Variants in NRXN1 observed in about 807,000 individuals in gnomAD.
The protein encoded by NRXN1 is neurexin-1.
NRXN1 carries 39 observed loss-of-function variants against 150.9 expected under a neutral mutation model. That is an observed-to-expected ratio of 0.26 (90% CI 0.20 to 0.34). NRXN1 has a LOEUF of 0.34. Ranked by LOEUF, NRXN1 falls within the 10% of genes least tolerant of loss-of-function variation. The pLI is 1.00. For synonymous variants in NRXN1, 924 were observed against 757.0 expected, an observed-to-expected ratio of 1.22 and a Z score of -3.62; for missense variants, 1,815 against 1,949.9, an observed-to-expected ratio of 0.93 and a Z score of 1.30.
intron 5 of NRXN1, among the ~76,000 whole-genome samples, chr2:50,674,359 C>T (rs990347479): frequency 1.1e-4 from 17 of 152,048 alleles, no homozygotes; most frequent in East Asian, 1.9e-4. Context: ...AAGTGGAGCA[C>T]GGACAGTAGA....
chr2:50,947,046 G>T (rs556325290), intron 2 of NRXN1, among the ~76,000 whole-genome samples: 17 of 152,198 alleles, frequency 1.1e-4, no homozygotes, highest in African/African-American at 3.6e-4. Flanking sequence ...ACTGGGCAGG[G>T]AATAGCTAAG....
chr2:50,353,037 G>A (rs776132128), intron 17 of NRXN1, among the ~76,000 whole-genome samples: 17 of 152,042 alleles, frequency 1.1e-4, no homozygotes, highest in South Asian at 2.1e-4. Context: ...GGGAGTGCTG[G>A]GGATCAAGAT....
intron 5 of NRXN1, among the ~76,000 whole-genome samples, chr2:50,671,678 C>T (rs9309185): frequency 0.83 from 126,299 of 151,688 alleles, 53,209 homozygotes; most frequent in African/African-American, 0.95. Flanking sequence ...AATGTAATGA[C>T]ACATTTTAAG....
chr2:50,308,519 AT>A (rs1177243435), intron 17 of NRXN1, among the ~76,000 whole-genome samples: 1 of 150,400 alleles, frequency 6.6e-6, no homozygotes, highest in Non-Finnish European at 1.5e-5. Flanking sequence ...TTAATTTTTT[AT>A]TTTTTTCCAG....
At chr2:50,983,529 C>T (rs1301535666) in intron 2 of NRXN1, among the ~76,000 whole-genome samples, 1 of 152,022 alleles carries the variant, frequency 6.6e-6, no homozygotes, top group African/African-American at 2.4e-5. Flanking sequence ...TCTTCCTATA[C>T]TAGGGATCTC....
intron 5 of NRXN1, among the ~76,000 whole-genome samples, chr2:50,780,105 TC>T (rs1406966480): frequency 2.0e-5 from 3 of 152,254 alleles, no homozygotes; most frequent in African/African-American, 2.4e-5. Context: ...GATTTGTATT[TC>T]TCTAATGACC....
At chr2:50,169,112 A>C (rs896651381) in intron 18 of NRXN1, among the ~76,000 whole-genome samples, 8 of 152,324 alleles carry the variant, frequency 5.3e-5, no homozygotes, top group African/African-American at 1.9e-4. Flanking sequence ...ACAATAGCTC[A>C]TTTAATTAAC....
At chr2:50,803,872 G>A (rs1365806533) in intron 5 of NRXN1, among the ~76,000 whole-genome samples, 1 of 152,208 alleles carries the variant, frequency 6.6e-6, no homozygotes, top group Admixed American at 6.5e-5. Context: ...GATAACCCCA[G>A]GCTTTGATAG....
At chr2:50,389,714 T>C (rs2081563037) in intron 17 of NRXN1, among the ~76,000 whole-genome samples, 1 of 152,194 alleles carries the variant, frequency 6.6e-6, no homozygotes, top group African/African-American at 2.4e-5. Context: ...AATGTCCATC[T>C]TCCACTTTTA....
chr2:50,597,898 G>A (rs1338970667), intron 8 of NRXN1, among the ~76,000 whole-genome samples: 1 of 152,150 alleles, frequency 6.6e-6, no homozygotes, highest in African/African-American at 2.4e-5. Flanking sequence ...CAGCACTTTG[G>A]GAAGCTGAGG....
intron 5 of NRXN1, among the ~76,000 whole-genome samples, chr2:50,677,538 A>T (rs1689725440): frequency 6.6e-6 from 1 of 152,164 alleles, no homozygotes; most frequent in Non-Finnish European, 1.5e-5. Context: ...TAATTCAGTT[A>T]CACAGCTAAT....
chr2:50,828,940 T>A (rs1481643037), intron 5 of NRXN1, among the ~76,000 whole-genome samples: 1 of 152,104 alleles, frequency 6.6e-6, no homozygotes, highest in South Asian at 2.1e-4. Flanking sequence ...CTGGGCACCA[T>A]TGAGCACTGA....
chr2:50,856,533 T>C (rs751430957), intron 5 of NRXN1, among the ~76,000 whole-genome samples: 11 of 152,042 alleles, frequency 7.2e-5, no homozygotes, highest in Non-Finnish European at 1.5e-4. Flanking sequence ...TAAGGAATAA[T>C]GTATTCGGTG....
At chr2:50,197,953 A>T (rs1056985804) in intron 18 of NRXN1, among the ~76,000 whole-genome samples, 2 of 152,118 alleles carry the variant, frequency 1.3e-5, no homozygotes, top group East Asian at 3.9e-4. Context: ...AAGAAATTCC[A>T]GTTGGTTGTA....
chr2:50,038,502 A>G (rs1690394619), intron 21 of NRXN1, among the ~76,000 whole-genome samples: 1 of 152,202 alleles, frequency 6.6e-6, no homozygotes, highest in Admixed American at 6.5e-5. Context: ...CATCCTACAC[A>G]CACAGCTGAA....
chr2:50,170,507 T>A (rs978820738), intron 18 of NRXN1, among the ~76,000 whole-genome samples: 2 of 152,042 alleles, frequency 1.3e-5, no homozygotes, highest in Non-Finnish European at 2.9e-5. Flanking sequence ...ATGTTGACCA[T>A]GCTGGTCTCA....
intron 5 of NRXN1, among the ~76,000 whole-genome samples, chr2:50,883,605 G>C (rs1679782888): frequency 6.6e-6 from 1 of 151,666 alleles, no homozygotes; most frequent in Non-Finnish European, 1.5e-5. Context: ...GATACATTTT[G>C]CCTCCAAAAC....
At chr2:50,843,168 T>A (rs1187671457) in intron 5 of NRXN1, among the ~76,000 whole-genome samples, 2 of 152,164 alleles carry the variant, frequency 1.3e-5, no homozygotes, top group African/African-American at 2.4e-5. Flanking sequence ...AAACCTTAGT[T>A]CATTCAAGCT....
intron 2 of NRXN1, among the ~76,000 whole-genome samples, chr2:50,993,575 T>C (rs1018310661): frequency 6.6e-6 from 1 of 151,948 alleles, no homozygotes; most frequent in African/African-American, 2.4e-5. Flanking sequence ...CAGACTATCA[T>C]CCAAATTCTT....
Sources: gnomAD v4.1 joint callset for allele counts (sites outside exome capture counted in the v4.1 genomes callset) on GRCh38, gnomAD v4.1.1 for gene constraint, MANE v1.5 for transcripts, NCBI Gene and HGNC (gene_info 2026-07-23, HGNC 2026-07-21) for gene names.